Variants in SLC2A1 observed in about 807,000 individuals in gnomAD.
SLC2A1 encodes the protein solute carrier family 2, facilitated glucose transporter member 1.
SLC2A1 carries 4 observed loss-of-function variants against 46.6 expected under a neutral mutation model. The observed-to-expected ratio is 0.09, with a 90% CI of 0.04 to 0.20. The LOEUF (loss-of-function observed/expected upper bound fraction) is 0.20. Ranked by LOEUF, SLC2A1 falls within the 10% of genes least tolerant of loss-of-function variation. The pLI, the probability that SLC2A1 is intolerant of heterozygous loss-of-function variation, is 1.00. For missense variants in SLC2A1, 352 were observed against 667.0 expected (o/e 0.53, Z 5.20); for synonymous variants, 253 against 270.0 (o/e 0.94, Z 0.62).
chr1:42,928,832 C>T (rs1643455036), intron 8 of SLC2A1, 100 bp downstream of exon 8: 4 of 1,076,058 alleles, frequency 3.7e-6, no homozygotes, highest in Middle Eastern at 4.0e-4. Flanking sequence ...AATGCAGCCA[C>T]CAAAAGGCCT....
intron 1 of SLC2A1, among the ~76,000 whole-genome samples, chr1:42,947,127 T>A (rs1196077631): frequency 6.6e-6 from 1 of 152,228 alleles, no homozygotes; most frequent in Non-Finnish European, 1.5e-5. Flanking sequence ...TGGCTAGAAC[T>A]GGAACATGGC....
intron 1 of SLC2A1, among the ~76,000 whole-genome samples, chr1:42,947,207 T>A (rs1246127104): frequency 6.6e-6 from 1 of 152,168 alleles, no homozygotes; most frequent in Non-Finnish European, 1.5e-5. Flanking sequence ...TGGTGATGAC[T>A]TAGAGAAGGG....
intron 2 of SLC2A1, among the ~76,000 whole-genome samples, chr1:42,932,883 C>T (rs559286239): frequency 6.6e-6 from 1 of 152,344 alleles, no homozygotes; most frequent in South Asian, 2.1e-4. Context: ...AGGCCAGGCT[C>T]CAAGGGGCGA....
chr1:42,940,437 C>T (rs1251075652), intron 2 of SLC2A1, among the ~76,000 whole-genome samples: 2 of 152,234 alleles, frequency 1.3e-5, no homozygotes, highest in African/African-American at 2.4e-5. Flanking sequence ...ACTAAGGACA[C>T]GGCCGTGGAC....
Position 42,929,009 on chromosome 1 carries a change from G to T in SLC2A1, c.997C>A (p.Arg333=). ...AGGCCTATGAGGTGCAGGGTCCGCC[G>T]GCCTGCTCGCTCCACCACAAACAGC... is the stretch of plus-strand genomic sequence containing the variant. The part of the protein sequence containing the change: ...VSLFVVERAG[R]RTLHLIGLAG... The change falls in exon 8 of 10, where the codon CGG becomes AGG. Residue 333 remains arginine, a synonymous_variant. Transcript: ENST00000426263. The surrounding 1 kb of genome is among the most constrained non-coding windows in gnomAD (Gnocchi z 6.0). 2 of 1,613,490 alleles carry T rather than the reference G, an allele frequency of 1.2e-6. No individual in the cohort carries two copies. The highest frequency in any genetic ancestry group is 2.2e-5 in the South Asian group (2 of 91,076).
At position 42,930,810 on chromosome 1, in the gene SLC2A1, C is replaced by G; in HGVS notation, c.332G>C (p.Gly111Ala). 6.2e-7 allele frequency: 1 copy of G among 1,601,394 alleles called. No homozygotes were observed. The highest frequency in any genetic ancestry group is 8.5e-7 in the Non-Finnish European group (1 of 1,179,950). ...AAAGGACTTGCCCAGTTTCGAGAAG[C>G]CCATGAGCACGGCGGACACGAAGGC... ...LLAFVSAVLMGFSKLGKSFEM... is the reference protein window; with the variant it reads ...LLAFVSAVLMAFSKLGKSFEM... Residue 111 changes from glycine (G) to alanine (A), a missense_variant, in exon 4 of 10, where the codon GGC becomes GCC. Physicochemically the swap from Gly to Ala is moderately conservative, Grantham distance 60. Transcript: ENST00000426263. The surrounding 1 kb of genome is among the most constrained non-coding windows in gnomAD (Gnocchi z 6.2).
chr1:42,926,986 C>T lies in SLC2A1; in HGVS notation c.*55G>A. On this transcript the variant is annotated 3_prime_UTR_variant, in exon 10 of 10. Coordinates refer to ENST00000426263, the MANE Select transcript of SLC2A1 (RefSeq NM_006516.4). ...GAAGTCTCATCCAGCTGCCTGTGCT[C>T]CTGAGAGATCCTTAGGGCTGCTGGG... 5 of 1,596,892 alleles carry T rather than the reference C, an allele frequency of 3.1e-6. No homozygotes were observed. The highest frequency in any genetic ancestry group is 4.3e-6 in the Non-Finnish European group (5 of 1,168,966).
chr1:42,934,753 G>A (rs555622736), intron 2 of SLC2A1, among the ~76,000 whole-genome samples: 1 of 152,206 alleles, frequency 6.6e-6, no homozygotes, highest in South Asian at 2.1e-4. Flanking sequence ...TGTTCTGAAC[G>A]CTCCCACCTC....
At chr1:42,949,846 TTGGGGG>T (rs1643702047) in intron 1 of SLC2A1, among the ~76,000 whole-genome samples, 1 of 150,170 alleles carries the variant, frequency 6.7e-6, no homozygotes, top group Non-Finnish European at 1.5e-5. Context: ...AAGTTTCCAA[TTGGGGG>T]TCTCTGATGC....
At chr1:42,956,285 C>T (rs565965797) in intron 1 of SLC2A1, among the ~76,000 whole-genome samples, 5 of 151,920 alleles carry the variant, frequency 3.3e-5, no homozygotes, top group African/African-American at 9.7e-5. Context: ...TGGTGGCTCA[C>T]GCCTGTAATC....
intron 8 of SLC2A1, 150 bp downstream of exon 8, chr1:42,928,780 GAC>G (rs1489149084): frequency 5.2e-6 from 4 of 769,488 alleles, no homozygotes; most frequent in Non-Finnish European, 9.4e-6. Flanking sequence ...TTTGGAAGGA[GAC>G]AACTTCAGGA....
At chr1:42,931,845 A>AG (rs1375487938) in intron 2 of SLC2A1, among the ~76,000 whole-genome samples, 3 of 150,874 alleles carry the variant, frequency 2.0e-5, no homozygotes, top group Non-Finnish European at 3.0e-5. Context: ...AAAAAAAAAA[A>AG]AGAGAAATAC....
Position 42,929,529 on chromosome 1 carries a change from T to C in SLC2A1, c.867+64A>G. 6.7e-7 allele frequency: 1 copy of C among 1,488,112 alleles called. No individual in the cohort carries two copies. Among genetic ancestry groups the C allele is most frequent in the Non-Finnish European group, 9.3e-7 (1 of 1,070,296 alleles). 92.2% of individuals were successfully genotyped at this position (1,488,112 alleles called of 1,614,324 possible). A position where few individuals can be genotyped will look rare whatever the true frequency, so the allele number is the denominator to read the frequency against. ...CTGTTGTTTCAAGTTTGGGACTTGT[T>C]CACCATGCACACTTGACCAGAGGGC... On this transcript the variant is annotated intron_variant, in intron 6 of 9. Transcript: ENST00000426263. This position sits in a 1 kb window ranked among gnomAD's most constrained non-coding sequence, Gnocchi z 6.0.
chr1:42,927,691 C>T lies in SLC2A1; in HGVS notation c.1192G>A (p.Gly398Ser), dbSNP rs1027810691. The T allele has an allele frequency of 8.7e-6, 14 of 1,614,046 alleles. No individual in the cohort carries two copies. The highest frequency in any genetic ancestry group is 1.6e-4 in the Middle Eastern group (1 of 6,084). The change falls in exon 9 of 10, where the codon GGT becomes AGT. Residue 398 changes from glycine to serine, a missense_variant. Physicochemically the swap from Gly to Ser is moderately conservative, Grantham distance 56. Coordinates refer to ENST00000426263, the MANE Select transcript of SLC2A1 (RefSeq NM_006516.4). This position sits in a 1 kb window ranked among gnomAD's most constrained non-coding sequence, Gnocchi z 5.3. ...ACGGCAATGGCAGCTGGACGTGGAC[C>T]CTGGCTGAAGAGTTCAGCCACGATG... is the stretch of plus-strand genomic sequence containing the variant. ...WFIVAELFSQGPRPAAIAVAG... is the reference protein window; with the variant it reads ...WFIVAELFSQSPRPAAIAVAG...
Position 42,929,364 on chromosome 1 carries a change from C to G in SLC2A1, c.868-50G>C. The G allele has an allele frequency of 6.9e-7, 1 of 1,455,332 alleles. No individual in the cohort carries two copies. Among genetic ancestry groups the G allele is most frequent in the Non-Finnish European group, 9.5e-7 (1 of 1,051,714 alleles). 90.2% of individuals were successfully genotyped at this position (1,455,332 alleles called of 1,614,324 possible). On this transcript the variant is annotated intron_variant, in intron 6 of 9. Coordinates refer to ENST00000426263, the MANE Select transcript of SLC2A1 (RefSeq NM_006516.4). The surrounding 1 kb of genome is among the most constrained non-coding windows in gnomAD (Gnocchi z 6.0). The stretch of plus-strand genomic sequence containing the variant: ...GGCCTACCTGGACATTGTGGCCCTT[C>G]CCTGCCTCTGTAGCAGTGGATGTGG...
intron 2 of SLC2A1, among the ~76,000 whole-genome samples, chr1:42,936,648 G>A (rs1262554855): frequency 2.0e-5 from 3 of 152,074 alleles, no homozygotes; most frequent in Non-Finnish European, 4.4e-5. Flanking sequence ...CCAAACCAAG[G>A]CCAGGCCAGG....
rs1317350844 is a variant in SLC2A1 at position 42,927,451 on chromosome 1, G to C, written c.1278+154C>G. 6.6e-6 allele frequency among the ~76,000 whole-genome samples: 1 copy of C among 152,228 alleles called. No homozygotes were observed. Among genetic ancestry groups the C allele is most frequent in the Non-Finnish European group, 1.5e-5 (1 of 68,038 alleles). On this transcript the variant is annotated intron_variant, in intron 9 of 9. Coordinates refer to ENST00000426263, the MANE Select transcript of SLC2A1 (RefSeq NM_006516.4). This position sits in a 1 kb window ranked among gnomAD's most constrained non-coding sequence, Gnocchi z 5.3. ...ATTCAAGGCTAAGGGGAGAACCCTG[G>C]AGTTGAGGTCAGCATTCTTGGTCAT...
chr1:42,945,090 G>C (rs1643637332), intron 1 of SLC2A1, among the ~76,000 whole-genome samples: 1 of 152,188 alleles, frequency 6.6e-6, no homozygotes, highest in Admixed American at 6.5e-5. Flanking sequence ...AGCATCACCA[G>C]GAGGGCTCAC....
At chr1:42,935,525 A>T (rs1643533383) in intron 2 of SLC2A1, among the ~76,000 whole-genome samples, 1 of 152,208 alleles carries the variant, frequency 6.6e-6, no homozygotes, top group Non-Finnish European at 1.5e-5. Context: ...TCTCAAGAAA[A>T]GAAGTCACCA....
Sources: allele counts gnomAD v4.1 joint callset (sites outside exome capture counted in the v4.1 genomes callset), GRCh38; gene constraint gnomAD v4.1.1; non-coding constraint Gnocchi (gnomAD v3.1); transcripts MANE v1.5; gene names NCBI Gene and HGNC (gene_info 2026-07-23, HGNC 2026-07-21).